The following PTPRT variants were observed in gnomAD, a reference collection of about 807,000 sequenced individuals.
PTPRT encodes protein tyrosine phosphatase receptor type T.
Under a neutral mutation model 176.8 loss-of-function variants are expected in PTPRT, and 56 were observed. The ratio of observed to expected loss-of-function variants is 0.32; its 90% CI spans 0.26 to 0.40. The LOEUF is 0.40. PTPRT is among the 10% of genes least tolerant of loss of function. The pLI is 1.00. For synonymous variants in PTPRT, 783 were observed against 739.0 expected (o/e 1.06, Z -0.96); for missense variants, 1,540 against 1,908.2 (o/e 0.81, Z 3.60).
At chr20:42,411,638 G>A (rs1004935330) in intron 9 of PTPRT, among the ~76,000 whole-genome samples, 1 of 151,804 alleles carries the variant, frequency 6.6e-6, no homozygotes, top group African/African-American at 2.4e-5. Flanking sequence ...AGAATACAAG[G>A]ACGAACATTA....
intron 2 of PTPRT, among the ~76,000 whole-genome samples, chr20:42,870,063 T>C (rs79885886): frequency 0.03 from 4,603 of 152,272 alleles, 182 homozygotes; most frequent in African/African-American, 0.082. Flanking sequence ...CCTCCAGAAC[T>C]GTGAGAAACA....
At position 42,962,618 on chromosome 20, in the gene PTPRT, G is replaced by A. The variant is rs117918607; in HGVS notation, c.89-76686C>T. Among the ~76,000 whole-genome samples the A allele has an allele frequency of 7.8e-4, 119 of 152,280 alleles. 1 individual carries two copies. In the East Asian group the frequency reaches 0.02, roughly 25 times the overall value. Reference sequence around the variant, plus strand: ...TCAGATTTCTTTACAATACTGGGCTGAAAACGCTAATGATTAAATATCTGC... The same window carrying A: ...TCAGATTTCTTTACAATACTGGGCTAAAAACGCTAATGATTAAATATCTGC... On this transcript the variant is annotated intron_variant, in intron 1 of 30. Coordinates refer to ENST00000373187, the MANE Select transcript of PTPRT (RefSeq NM_007050.6).
chr20:42,992,921 T>C (rs1436493300), intron 1 of PTPRT, among the ~76,000 whole-genome samples: 1 of 152,168 alleles, frequency 6.6e-6, no homozygotes, highest in African/African-American at 2.4e-5. Context: ...ACCTTTAATA[T>C]GTTACATGGT....
intron 9 of PTPRT, among the ~76,000 whole-genome samples, chr20:42,394,524 T>G (rs1232760211): frequency 1.3e-5 from 2 of 152,164 alleles, no homozygotes; most frequent in African/African-American, 4.8e-5. Context: ...GCCCACACAC[T>G]GGGGTTGACA....
intron 6 of PTPRT, among the ~76,000 whole-genome samples, chr20:42,721,312 A>C (rs984614701): frequency 6.6e-6 from 1 of 152,194 alleles, no homozygotes; most frequent in African/African-American, 2.4e-5. Context: ...TGTCAAGGGA[A>C]GTGCATGATG....
intron 1 of PTPRT, among the ~76,000 whole-genome samples, chr20:43,020,180 A>T (rs182095491): frequency 1.4e-5 from 2 of 147,906 alleles, no homozygotes; most frequent in African/African-American, 4.9e-5. Context: ...CTATATAATT[A>T]CATATATAAG....
chr20:42,142,330 T>G (rs1220737288), intron 17 of PTPRT, among the ~76,000 whole-genome samples: 2 of 152,218 alleles, frequency 1.3e-5, no homozygotes, highest in African/African-American at 4.8e-5. Context: ...GGGCACTGTT[T>G]TAGGTACTAG....
intron 2 of PTPRT, among the ~76,000 whole-genome samples, chr20:42,828,403 A>G (rs1460320056): frequency 6.6e-6 from 1 of 152,228 alleles, no homozygotes; most frequent in African/African-American, 2.4e-5. Context: ...GCAGCTGACA[A>G]TGCAATAGAA....
intron 1 of PTPRT, among the ~76,000 whole-genome samples, chr20:43,096,853 G>A (rs891121261): frequency 6.6e-6 from 1 of 152,168 alleles, no homozygotes; most frequent in African/African-American, 2.4e-5. Flanking sequence ...GAGGTTGGAG[G>A]CCCCAGGCTC....
At chr20:42,797,558 G>A (rs1349341648) in intron 2 of PTPRT, among the ~76,000 whole-genome samples, 1 of 128,340 alleles carries the variant, frequency 7.8e-6, no homozygotes, top group African/African-American at 2.6e-5. Flanking sequence ...CGCAAACACA[G>A]TCCTCGGCCA....
intron 16 of PTPRT, among the ~76,000 whole-genome samples, chr20:42,164,476 A>G (rs953104396): frequency 4.6e-5 from 7 of 152,230 alleles, no homozygotes; most frequent in African/African-American, 1.4e-4. Context: ...TAATGATGCT[A>G]TGAAGACTCA....
chr20:42,239,524 G>A (rs1179317364), intron 14 of PTPRT, among the ~76,000 whole-genome samples: 1 of 142,748 alleles, frequency 7.0e-6, no homozygotes, highest in Non-Finnish European at 1.5e-5. Context: ...CCGGGTCCAC[G>A]CCATTCTCCT....
chr20:42,229,678 A>C (rs943616406), intron 15 of PTPRT, among the ~76,000 whole-genome samples: 2 of 152,146 alleles, frequency 1.3e-5, no homozygotes, highest in South Asian at 2.1e-4. Flanking sequence ...TCTTTGTGAG[A>C]CTTCTTCTGT....
intron 7 of PTPRT, among the ~76,000 whole-genome samples, chr20:42,665,887 G>A (rs1307535349): frequency 7.0e-6 from 1 of 142,076 alleles, no homozygotes; most frequent in Non-Finnish European, 1.5e-5. Context: ...GGTGGGAATT[G>A]AACAATGAGA....
rs372686126 is a variant in PTPRT, at chr20:43,016,982, A to G, written c.89-131050T>C. Among the ~76,000 whole-genome samples, 11 of 152,182 alleles carry G rather than the reference A, an allele frequency of 7.2e-5. No homozygotes were observed. In the East Asian group the frequency reaches 1.6e-3, roughly 21 times the overall value. On this transcript the variant is annotated intron_variant, in intron 1 of 30. Coordinates refer to ENST00000373187, the MANE Select transcript of PTPRT (RefSeq NM_007050.6). The stretch of plus-strand genomic sequence containing the variant: ...TAGGGTGAGGTTGGGGTGGTACTTG[A>G]CCCAGGCACAAAATTTAAGGAGGTG...
chr20:42,917,953 C>T (rs1374460502), intron 1 of PTPRT, among the ~76,000 whole-genome samples: 1 of 152,112 alleles, frequency 6.6e-6, no homozygotes, highest in South Asian at 2.1e-4. Context: ...ATAAAGCTTG[C>T]CATTCCTTGG....
intron 16 of PTPRT, among the ~76,000 whole-genome samples, chr20:42,164,094 T>A (rs6030019): frequency 2.0e-5 from 3 of 152,030 alleles, no homozygotes; most frequent in Non-Finnish European, 2.9e-5. Context: ...ATGATTTCTA[T>A]GAAAGGATGA....
intron 1 of PTPRT, among the ~76,000 whole-genome samples, chr20:43,135,858 T>C (rs886893105): frequency 6.6e-6 from 1 of 152,220 alleles, no homozygotes; most frequent in Non-Finnish European, 1.5e-5. Context: ...GAATTCCACT[T>C]GATCTCCCCT....
At chr20:42,439,422 C>T (rs1193616142) in intron 9 of PTPRT, among the ~76,000 whole-genome samples, 1 of 152,186 alleles carries the variant, frequency 6.6e-6, no homozygotes, top group Non-Finnish European at 1.5e-5. Context: ...CAGAACGATA[C>T]CTCCCTATGT....
Sources: allele counts gnomAD v4.1 joint callset (sites outside exome capture counted in the v4.1 genomes callset), GRCh38; gene constraint gnomAD v4.1.1; transcripts MANE v1.5; gene names NCBI Gene and HGNC (gene_info 2026-07-23, HGNC 2026-07-21).